The following MARK3 variants were observed in gnomAD, a reference collection of about 807,000 sequenced individuals.
MARK3 encodes the protein microtubule affinity regulating kinase 3.
In MARK3, 46 loss-of-function variants were observed where a neutral mutation model predicts 90.1. The ratio of observed to expected loss-of-function variants is 0.51; its 90% CI spans 0.40 to 0.65. The LOEUF (loss-of-function observed/expected upper bound fraction) is 0.65, where lower values mean the gene tolerates loss of function less well. Among genes scored for constraint, MARK3 ranks in the 30% least tolerant of loss-of-function variants. The pLI, the probability that MARK3 is intolerant of heterozygous loss-of-function variation, is 0.00. For missense variants in MARK3, 818 were observed against 947.2 expected (o/e 0.86, Z 1.79); for synonymous variants, 321 against 332.6 (o/e 0.97, Z 0.38).
rs964131904 is a variant in MARK3, at chr14:103,502,789, G to T, written c.1917-93G>T. 7.4e-6 allele frequency: 7 copies of T among 952,278 alleles called. No individual in the cohort carries two copies. The Admixed American group carries it at 1.0e-4, about 14-fold the overall frequency. 59.0% of individuals were successfully genotyped at this position (952,278 alleles called of 1,614,324 possible). On this transcript the variant is annotated intron_variant, in intron 17 of 17. Transcript: ENST00000429436. Reference sequence around the variant, plus strand: ...AATGTGGAGGTCAGTCGTTAGTTGTGTTGTATCAAAGACGTGAATGAGGAA... The same window carrying T: ...AATGTGGAGGTCAGTCGTTAGTTGTTTTGTATCAAAGACGTGAATGAGGAA...
intron 2 of MARK3, among the ~76,000 whole-genome samples, chr14:103,415,413 A>G (rs2091902852): frequency 6.6e-6 from 1 of 152,188 alleles, no homozygotes. Context: ...TTTTTAAAAT[A>G]CATGTACCAG....
At chr14:103,408,247 C>T (rs2091431313) in intron 2 of MARK3, among the ~76,000 whole-genome samples, 4 of 151,990 alleles carry the variant, frequency 2.6e-5, no homozygotes, top group African/African-American at 9.7e-5. Flanking sequence ...AGTGCAGTGG[C>T]GTGATCTCAG....
chr14:103,453,664 A>T (rs944503060), intron 5 of MARK3, among the ~76,000 whole-genome samples: 7 of 152,194 alleles, frequency 4.6e-5, no homozygotes, highest in Non-Finnish European at 1.0e-4. Flanking sequence ...GGGGAAGGTT[A>T]ATTTCAGGAC....
intron 15 of MARK3, among the ~76,000 whole-genome samples, chr14:103,492,324 T>C (rs983821356): frequency 6.6e-6 from 1 of 152,062 alleles, no homozygotes; most frequent in Non-Finnish European, 1.5e-5. Flanking sequence ...GCATGTTCGT[T>C]GTTGTTGAGC....
intron 12 of MARK3, 82 bp from the exon 13 acceptor site, chr14:103,474,908 GATC>G (rs934855953): frequency 1.9e-6 from 2 of 1,063,080 alleles, no homozygotes; most frequent in African/African-American, 3.2e-5. Flanking sequence ...AGCAACCTTA[GATC>G]ATCTTACAAA....
At chr14:103,484,757 C>T (rs530772627) in intron 14 of MARK3, among the ~76,000 whole-genome samples, 3 of 29,440 alleles carry the variant, frequency 1.0e-4, no homozygotes, top group African/African-American at 2.5e-4. Flanking sequence ...ATGGTGAAAC[C>T]CTGTCTAAAA....
chr14:103,407,727 A>G (rs1347574569), intron 2 of MARK3, among the ~76,000 whole-genome samples: 1 of 151,360 alleles, frequency 6.6e-6, no homozygotes, highest in Non-Finnish European at 1.5e-5. Flanking sequence ...TGCCCGGCTA[A>G]TTTTTGTATT....
At chr14:103,446,103 G>C (rs2092988973) in intron 3 of MARK3, among the ~76,000 whole-genome samples, 1 of 152,210 alleles carries the variant, frequency 6.6e-6, no homozygotes, top group South Asian at 2.1e-4. Context: ...TTCATAGCTT[G>C]AAAGACATCC....
intron 1 of MARK3, among the ~76,000 whole-genome samples, chr14:103,395,117 G>C (rs2140500609): frequency 6.6e-6 from 1 of 152,260 alleles, no homozygotes; most frequent in African/African-American, 2.4e-5. Flanking sequence ...ATGTGTGATG[G>C]AAAGAGTCTG....
chr14:103,492,110 C>G, intron 15 of MARK3, 76 bp downstream of exon 15: 2 of 1,509,818 alleles, frequency 1.3e-6, no homozygotes, highest in Non-Finnish European at 9.0e-7. Flanking sequence ...TTGTGTGAAG[C>G]CACTGCTACC....
intron 2 of MARK3, among the ~76,000 whole-genome samples, chr14:103,418,591 C>T (rs548059480): frequency 3.9e-5 from 6 of 152,222 alleles, no homozygotes; most frequent in East Asian, 1.9e-4. Context: ...AGTCCTCCCC[C>T]GCCTGCCTTT....
intron 14 of MARK3, among the ~76,000 whole-genome samples, chr14:103,487,593 G>T (rs1566932152): frequency 6.6e-6 from 1 of 151,944 alleles, no homozygotes; most frequent in Admixed American, 6.6e-5. Flanking sequence ...AACAACTCCT[G>T]CATCTTCTTC....
chr14:103,403,379 A>G (rs2140647596), intron 1 of MARK3, among the ~76,000 whole-genome samples: 1 of 146,480 alleles, frequency 6.8e-6, no homozygotes, highest in African/African-American at 2.5e-5. Context: ...TGTGTAACTC[A>G]GTAAATATTC....
At chr14:103,476,511 ATATTTAC>A (rs72341001) in intron 13 of MARK3, among the ~76,000 whole-genome samples, 43,292 of 151,994 alleles carry the variant, frequency 0.28, 7,216 homozygotes, top group Non-Finnish European at 0.36. Flanking sequence ...TAAGTAGATA[ATATTTAC>A]TAAATTAAAT....
chr14:103,425,534 G>A (rs2092376304), intron 2 of MARK3, among the ~76,000 whole-genome samples: 1 of 152,130 alleles, frequency 6.6e-6, no homozygotes, highest in Admixed American at 6.5e-5. Context: ...TGGGATTACA[G>A]GCATGAGCCA....
At chr14:103,411,271 C>G (rs1170235643) in intron 2 of MARK3, among the ~76,000 whole-genome samples, 1 of 152,150 alleles carries the variant, frequency 6.6e-6, no homozygotes, top group African/African-American at 2.4e-5. Flanking sequence ...GAGACTCCGT[C>G]TCGAAAAAAC....
At chr14:103,425,696 A>G (rs2092381222) in intron 2 of MARK3, among the ~76,000 whole-genome samples, 1 of 152,238 alleles carries the variant, frequency 6.6e-6, no homozygotes, top group African/African-American at 2.4e-5. Context: ...TTGCTTATTC[A>G]GTTTCCACTG....
intron 4 of MARK3, among the ~76,000 whole-genome samples, chr14:103,449,957 A>G (rs2093092287): frequency 6.6e-6 from 1 of 152,222 alleles, no homozygotes. Context: ...ACAAGAATAG[A>G]AGAGTAACAC....
At chr14:103,473,718 T>C (rs1015000156) in intron 12 of MARK3, among the ~76,000 whole-genome samples, 2 of 152,140 alleles carry the variant, frequency 1.3e-5, no homozygotes, top group Non-Finnish European at 2.9e-5. Context: ...GGTTTTTGTT[T>C]GTTTGTTTTT....
Sources: gnomAD v4.1 joint callset for allele counts (sites outside exome capture counted in the v4.1 genomes callset) on GRCh38, gnomAD v4.1.1 for gene constraint, MANE v1.5 for transcripts, NCBI Gene and HGNC (gene_info 2026-07-23, HGNC 2026-07-21) for gene names.